The following SHISA6 variants were observed in gnomAD, a reference collection of about 807,000 sequenced individuals.
The protein encoded by SHISA6 is protein shisa-6.
In SHISA6, 22 loss-of-function variants were observed where a neutral mutation model predicts 47.9. The ratio of observed to expected loss-of-function variants is 0.46; its 90% CI spans 0.33 to 0.66. The LOEUF is 0.66. Ranked by LOEUF, SHISA6 falls within the 30% of genes least tolerant of loss-of-function variation. The probability of loss-of-function intolerance (pLI) is 0.02; values close to 1 mark genes in which losing one functional copy is unlikely to be tolerated. For missense variants in SHISA6, 680 were observed against 764.6 expected, an observed-to-expected ratio of 0.89 and a Z score of 1.30; for synonymous variants, 388 against 337.8, an observed-to-expected ratio of 1.15 and a Z score of -1.63.
chr17:11,368,927 TTACA>T (rs1912538403), intron 2 of SHISA6, among the ~76,000 whole-genome samples: 2 of 152,204 alleles, frequency 1.3e-5, no homozygotes, highest in African/African-American at 2.4e-5. Context: ...AGTGCTGGGA[TTACA>T]GGCATGGGCC....
chr17:11,347,682 G>A (rs1911747564), intron 2 of SHISA6, among the ~76,000 whole-genome samples: 1 of 152,162 alleles, frequency 6.6e-6, no homozygotes, highest in Non-Finnish European at 1.5e-5. Flanking sequence ...GAGAGCAGGT[G>A]ACGAAGAAAA....
intron 3 of SHISA6, among the ~76,000 whole-genome samples, chr17:11,412,135 A>G (rs1914139801): frequency 6.6e-6 from 1 of 152,194 alleles, no homozygotes; most frequent in Non-Finnish European, 1.5e-5. Context: ...GGGTTTAAAT[A>G]TCCTTTCCAC....
intron 3 of SHISA6, among the ~76,000 whole-genome samples, chr17:11,471,473 A>G (rs1009327344): frequency 2.0e-5 from 3 of 152,178 alleles, no homozygotes; most frequent in Non-Finnish European, 4.4e-5. Context: ...AGATATCAGC[A>G]CGCTTACTCT....
At chr17:11,422,955 T>C (rs1337236550) in intron 3 of SHISA6, among the ~76,000 whole-genome samples, 1 of 150,058 alleles carries the variant, frequency 6.7e-6, no homozygotes, top group African/African-American at 2.5e-5. Context: ...TTAAAACGCA[T>C]GGCTACAGTC....
rs895762166 is a variant in SHISA6, at chr17:11,544,276, C to T, written c.896-7620C>T. Among the ~76,000 whole-genome samples, 5 of 152,204 alleles carry T rather than the reference C, an allele frequency of 3.3e-5. 1 individual carries two copies. Among genetic ancestry groups the T allele is most frequent in the Middle Eastern group, 3.4e-3 (1 of 294 alleles). ...AGACTCTATTAAAAGGATGACAAGA[C>T]AGGGTATGCACTGGAAAAACTATTT... On this transcript the variant is annotated intron_variant, in intron 3 of 5. Coordinates refer to ENST00000441885, the MANE Select transcript of SHISA6 (RefSeq NM_207386.4).
chr17:11,332,445 A>T (rs1335519373), intron 2 of SHISA6, among the ~76,000 whole-genome samples: 1 of 152,158 alleles, frequency 6.6e-6, no homozygotes, highest in Non-Finnish European at 1.5e-5. Context: ...CTGTAATCAG[A>T]GTTGGCCTGA....
chr17:11,541,130 G>A (rs2071830209), intron 3 of SHISA6, among the ~76,000 whole-genome samples: 2 of 152,190 alleles, frequency 1.3e-5, no homozygotes, highest in Non-Finnish European at 2.9e-5. Flanking sequence ...ATTACCAGAG[G>A]AAATGTTTCT....
intron 3 of SHISA6, among the ~76,000 whole-genome samples, chr17:11,410,115 A>G (rs1914074707): frequency 6.6e-6 from 1 of 152,308 alleles, no homozygotes; most frequent in South Asian, 2.1e-4. Context: ...AGTCTTAATA[A>G]TTATCCCTGA....
chr17:11,480,456 T>C (rs1479599618), intron 3 of SHISA6, among the ~76,000 whole-genome samples: 1 of 152,298 alleles, frequency 6.6e-6, no homozygotes, highest in East Asian at 1.9e-4. Context: ...ATCCAGTTAA[T>C]ATGCCACCAC....
chr17:11,263,847 G>A (rs1425873261), intron 2 of SHISA6, among the ~76,000 whole-genome samples: 3 of 152,148 alleles, frequency 2.0e-5, no homozygotes, highest in Non-Finnish European at 2.9e-5. Flanking sequence ...TCGCCCACGT[G>A]GTGGGAAACT....
At chr17:11,263,645 AG>A (rs986673619) in intron 2 of SHISA6, 119 bp downstream of exon 2, 79 of 1,299,794 alleles carry the variant, frequency 6.1e-5, no homozygotes, top group Non-Finnish European at 8.0e-5. Context: ...TCTCATGGAC[AG>A]GCAGGCTGGC....
chr17:11,298,530 C>T (rs1909823688), intron 2 of SHISA6, among the ~76,000 whole-genome samples: 1 of 152,172 alleles, frequency 6.6e-6, no homozygotes, highest in African/African-American at 2.4e-5. Flanking sequence ...TGATAGACTA[C>T]TGAACTCAGG....
At chr17:11,336,090 T>G (rs1181351786) in intron 2 of SHISA6, among the ~76,000 whole-genome samples, 4 of 151,392 alleles carry the variant, frequency 2.6e-5, no homozygotes, top group Non-Finnish European at 1.5e-5. Context: ...ATGCCTGTAG[T>G]CCCAGCTATT....
intron 2 of SHISA6, among the ~76,000 whole-genome samples, chr17:11,328,231 C>G (rs1285497478): frequency 1.3e-5 from 2 of 152,194 alleles, no homozygotes; most frequent in East Asian, 1.9e-4. Context: ...ACTGCAGGTT[C>G]TCAGCTCTGT....
chr17:11,555,271 C>T (rs1219820715), intron 4 of SHISA6, among the ~76,000 whole-genome samples: 1 of 152,044 alleles, frequency 6.6e-6, no homozygotes, highest in East Asian at 1.9e-4. Flanking sequence ...GGGTCCTGGA[C>T]TCAGTTCTTC....
At chr17:11,309,620 A>G (rs1020281655) in intron 2 of SHISA6, among the ~76,000 whole-genome samples, 5 of 152,206 alleles carry the variant, frequency 3.3e-5, no homozygotes, top group South Asian at 2.1e-4. Context: ...TGCAGTGGCC[A>G]TACTCTAAGG....
intron 2 of SHISA6, among the ~76,000 whole-genome samples, chr17:11,301,245 G>C (rs1909916918): frequency 6.6e-6 from 1 of 152,076 alleles, no homozygotes; most frequent in Admixed American, 6.5e-5. Context: ...GGACCCTCAA[G>C]TTGAAGTTGC....
chr17:11,340,608 T>G (rs1445233660), intron 2 of SHISA6, among the ~76,000 whole-genome samples: 1 of 152,198 alleles, frequency 6.6e-6, no homozygotes, highest in African/African-American at 2.4e-5. Context: ...GGAGTGGCCA[T>G]GTGCTTGTAC....
chr17:11,394,914 A>G (rs1039703818), intron 3 of SHISA6, among the ~76,000 whole-genome samples: 47 of 150,996 alleles, frequency 3.1e-4, no homozygotes, highest in African/African-American at 1.0e-3. Context: ...TTGCAACTAT[A>G]TGTATATATT....
Sources: gnomAD v4.1 joint callset for allele counts (sites outside exome capture counted in the v4.1 genomes callset) on GRCh38, gnomAD v4.1.1 for gene constraint, MANE v1.5 for transcripts, NCBI Gene and HGNC (gene_info 2026-07-23, HGNC 2026-07-21) for gene names.